The following HSD17B13 variants were observed in gnomAD, a reference collection of about 807,000 sequenced individuals.
HSD17B13 encodes the protein hydroxysteroid 17-beta dehydrogenase 13.
A neutral mutation model predicts 31.1 loss-of-function variants in HSD17B13; 26 were observed. The ratio of observed to expected loss-of-function variants is 0.84; its 90% CI spans 0.61 to 1.16. The LOEUF is 1.16. Among genes scored for constraint, HSD17B13 ranks in the 50% most tolerant of loss-of-function variants. The pLI is 0.00. For missense variants in HSD17B13, 374 were observed against 366.5 expected (o/e 1.02, Z -0.17); for synonymous variants, 141 against 133.7 (o/e 1.05, Z -0.38).
At chr4:87,321,099 A>G (rs1734776440) in intron 1 of HSD17B13, among the ~76,000 whole-genome samples, 1 of 152,156 alleles carries the variant, frequency 6.6e-6, no homozygotes, top group Non-Finnish European at 1.5e-5. Context: ...ATGCCATCAT[A>G]GCTCATTGCA....
In HSD17B13 at chr4:87,318,348, A is replaced by G; in HGVS notation, c.299T>C (p.Ile100Thr). The change falls in exon 2 of 7, where the codon ATC becomes ACC. Residue 100 changes from isoleucine (I) to threonine (T), a missense_variant. Transcript: ENST00000328546. ...TCTCACCTGATTTAGAGAGCGATAGATCTCTTCTCTGTTGCTGCAGTCTAC... is the reference window on the plus strand; with the variant it reads ...TCTCACCTGATTTAGAGAGCGATAGGTCTCTTCTCTGTTGCTGCAGTCTAC... ...YVVDCSNREE[I>T]YRSLNQVKKE... 3 of 1,613,544 alleles carry G rather than the reference A, an allele frequency of 1.9e-6. No individual in the cohort carries two copies. Among genetic ancestry groups the G allele is most frequent in the Non-Finnish European group, 2.5e-6 (3 of 1,179,452 alleles).
intron 4 of HSD17B13, 29 bp downstream of exon 4, chr4:87,315,464 A>T (rs1356206523): frequency 7.5e-7 from 1 of 1,332,890 alleles, no homozygotes; most frequent in African/African-American, 1.4e-5. Flanking sequence ...GTATAAAAAT[A>T]TATAACATGG....
chr4:87,322,585 C>T lies in HSD17B13; in HGVS notation c.210+47G>A. On this transcript the variant is annotated intron_variant, in intron 1 of 6. Transcript: ENST00000328546. ...GGTAAGTCAAATAATTCTTAAAATA[C>T]ATATCTTACTCTGTGACTTTAAAAA... 5 of 1,334,872 alleles carry T rather than the reference C, an allele frequency of 3.7e-6. No individual in the cohort carries two copies. In the Admixed American group the frequency reaches 8.5e-5, roughly 23 times the overall value. The allele number at this position is 1,334,872 out of a possible 1,614,324, so 82.7% of individuals were successfully genotyped here.
intron 5 of HSD17B13, among the ~76,000 whole-genome samples, chr4:87,312,407 C>A (rs1189846584): frequency 1.3e-5 from 2 of 152,052 alleles, no homozygotes. Context: ...AGCACATGGC[C>A]CCCACTATCA....
chr4:87,319,727 G>A (rs972906393), intron 1 of HSD17B13, among the ~76,000 whole-genome samples: 1 of 152,228 alleles, frequency 6.6e-6, no homozygotes, highest in Non-Finnish European at 1.5e-5. Context: ...TTGGGAGTGA[G>A]ATGGGCAAGG....
chr4:87,314,063 C>T, intron 4 of HSD17B13, 103 bp from the exon 5 acceptor site: 1 of 803,538 alleles, frequency 1.2e-6, no homozygotes, highest in Non-Finnish European at 1.8e-6. Flanking sequence ...AAGTGGAAGC[C>T]AAAAATCAGC....
rs779627733 is a variant in HSD17B13 at position 87,317,160 on chromosome 4, C to T, written c.382G>A (p.Asp128Asn). 5.5e-5 allele frequency: 88 copies of T among 1,613,700 alleles called. No homozygotes were observed. The highest frequency in any genetic ancestry group is 1.6e-4 in the Middle Eastern group (1 of 6,084). ...TCTTCATCCTTGGTGCTGAGAAGAT[C>T]GGCTGGATATACTGTCCCAGCATTA... Reference protein sequence around the residue: ...VNNAGTVYPADLLSTKDEEIT... With the variant: ...VNNAGTVYPANLLSTKDEEIT... Residue 128 changes from aspartate to asparagine, a missense_variant, in exon 3 of 7, where the codon GAT becomes AAT. By Grantham distance (23) the Asp-to-Asn change is conservative. Transcript: ENST00000328546.
Position 87,313,887 on chromosome 4 carries a change from T to C in HSD17B13, c.631A>G (p.Ile211Val), listed in dbSNP as rs777425194. The change falls in exon 5 of 7, where the codon ATC (isoleucine) becomes GTC (valine). Residue 211 changes from isoleucine (I) to valine (V), a missense_variant. Physicochemically the swap from Ile to Val is conservative, Grantham distance 29. Transcript: ENST00000328546. ...SELQALGKTG[I>V]KTSCLCPVFV... ...ACTGGGCAGAGACATGAGGTTTTGA[T>C]ACCAGTTTTTCCCAAGGCCTGAAGT... is the stretch of plus-strand genomic sequence containing the variant. The C allele has an allele frequency of 8.7e-6, 14 of 1,611,044 alleles. No homozygotes were observed. The East Asian group carries it at 2.5e-4, about 28-fold the overall frequency.
chr4:87,317,299 A>G (rs887513265), intron 2 of HSD17B13, 76 bp from the exon 3 acceptor site: 3 of 1,404,054 alleles, frequency 2.1e-6, no homozygotes, highest in Non-Finnish European at 3.0e-6. Flanking sequence ...TAATCCAAAG[A>G]TGAGAGTCTT....
intron 5 of HSD17B13, among the ~76,000 whole-genome samples, chr4:87,312,628 C>T (rs1314102643): frequency 3.4e-5 from 5 of 147,316 alleles, no homozygotes; most frequent in African/African-American, 1.2e-4. Flanking sequence ...CTCCCGGGTT[C>T]ACGCCATTCT....
intron 6 of HSD17B13, among the ~76,000 whole-genome samples, chr4:87,309,332 C>T (rs942195248): frequency 7.9e-6 from 1 of 125,940 alleles, no homozygotes. Flanking sequence ...TGCAGTGAGC[C>T]AAGATCACGC....
At chr4:87,312,622 C>T (rs543349025) in intron 5 of HSD17B13, among the ~76,000 whole-genome samples, 60 of 140,164 alleles carry the variant, frequency 4.3e-4, no homozygotes, top group African/African-American at 1.3e-3. Context: ...CTCCGCCTCC[C>T]GGGTTCACGC....
At chr4:87,318,467 A>C (rs754185524) in intron 1 of HSD17B13, 31 bp from the exon 2 acceptor site, 1 of 1,584,922 alleles carries the variant, frequency 6.3e-7, no homozygotes, top group South Asian at 1.1e-5. Flanking sequence ...ATTCCGAAAA[A>C]AGTGGAGGAG....
At chr4:87,313,101 A>G (rs1211978421) in intron 5 of HSD17B13, among the ~76,000 whole-genome samples, 2 of 151,178 alleles carry the variant, frequency 1.3e-5, no homozygotes, top group Non-Finnish European at 3.0e-5. Flanking sequence ...TTTTTTCTTT[A>G]GTCAACAGTA....
chr4:87,316,185 T>C (rs1734645594), intron 3 of HSD17B13, among the ~76,000 whole-genome samples: 1 of 152,214 alleles, frequency 6.6e-6, no homozygotes, highest in East Asian at 1.9e-4. Flanking sequence ...TATAAGAATT[T>C]AATAAATCCT....
intron 2 of HSD17B13, 86 bp downstream of exon 2, chr4:87,318,243 G>C: frequency 2.1e-6 from 2 of 954,044 alleles, no homozygotes; most frequent in Non-Finnish European, 3.4e-6. Flanking sequence ...TTTAAATCAG[G>C]CAGTCATAAA....
chr4:87,309,477 A>G (rs1734478190), intron 6 of HSD17B13, among the ~76,000 whole-genome samples: 1 of 152,058 alleles, frequency 6.6e-6, no homozygotes, highest in Non-Finnish European at 1.5e-5. Context: ...CAAAAACTAC[A>G]AAATACAATT....
At chr4:87,316,560 C>A (rs1374421617) in intron 3 of HSD17B13, among the ~76,000 whole-genome samples, 4 of 152,078 alleles carry the variant, frequency 2.6e-5, no homozygotes, top group Admixed American at 2.6e-4. Context: ...CAAAACTAAC[C>A]AATTATATGA....
At chr4:87,322,199 T>C (rs188213560) in intron 1 of HSD17B13, among the ~76,000 whole-genome samples, 10 of 152,324 alleles carry the variant, frequency 6.6e-5, no homozygotes, top group Admixed American at 5.9e-4. Flanking sequence ...ACAGTAAATA[T>C]TTTAGAACTG....
Sources: allele counts gnomAD v4.1 joint callset (sites outside exome capture counted in the v4.1 genomes callset), GRCh38; gene constraint gnomAD v4.1.1; transcripts MANE v1.5; gene names NCBI Gene and HGNC (gene_info 2026-07-23, HGNC 2026-07-21).